ZFHX4: variants seen among roughly 807,000 people sequenced by gnomAD.
The protein encoded by ZFHX4 is zinc finger homeobox protein 4.
A neutral mutation model predicts 267.6 loss-of-function variants in ZFHX4; 56 were observed. That is an observed-to-expected ratio of 0.21 (90% CI 0.17 to 0.26). The LOEUF is 0.26. ZFHX4 is among the 10% of genes least tolerant of loss of function. The pLI is 1.00. For synonymous variants in ZFHX4, 1,778 were observed against 1,665.6 expected (o/e 1.07, Z -1.64); for missense variants, 4,332 against 4,420.0 (o/e 0.98, Z 0.56).
At chr8:76,695,094 C>T (rs1807922803) in intron 1 of ZFHX4, among the ~76,000 whole-genome samples, 1 of 151,988 alleles carries the variant, frequency 6.6e-6, no homozygotes, top group Non-Finnish European at 1.5e-5. Context: ...GTGTACAAAT[C>T]CTTAGCACAA....
intron 3 of ZFHX4, among the ~76,000 whole-genome samples, chr8:76,756,471 T>C (rs1193913441): frequency 6.6e-6 from 1 of 151,780 alleles, no homozygotes; most frequent in East Asian, 1.9e-4. Flanking sequence ...GCTCATACAT[T>C]GTAAAAGGAA....
At chr8:76,717,743 G>C in intron 3 of ZFHX4, among the ~76,000 whole-genome samples, 1 of 151,838 alleles carries the variant, frequency 6.6e-6, no homozygotes, top group Non-Finnish European at 1.5e-5. Flanking sequence ...ATCACAGGCA[G>C]GTGCCACCAC....
At chr8:76,774,576 A>G (rs1210830163) in intron 3 of ZFHX4, among the ~76,000 whole-genome samples, 1 of 152,166 alleles carries the variant, frequency 6.6e-6, no homozygotes, top group African/African-American at 2.4e-5. Context: ...GTAAAAACCT[A>G]AAGGAGATAT....
At chr8:76,831,254 C>T (rs1280763877) in intron 4 of ZFHX4, among the ~76,000 whole-genome samples, 1 of 152,030 alleles carries the variant, frequency 6.6e-6, no homozygotes, top group Admixed American at 6.6e-5. Flanking sequence ...TCAAAGTCAC[C>T]TAGGTACTAC....
intron 1 of ZFHX4, among the ~76,000 whole-genome samples, chr8:76,689,459 G>A (rs1807772127): frequency 6.6e-6 from 1 of 152,132 alleles, no homozygotes; most frequent in South Asian, 2.1e-4. Context: ...ATGGACACAT[G>A]TGAGAACTAA....
chr8:76,778,489 C>A, intron 4 of ZFHX4, 50 bp downstream of exon 4: 2 of 1,363,972 alleles, frequency 1.5e-6, no homozygotes, highest in Non-Finnish European at 2.1e-6. Context: ...CACACCACTT[C>A]ATCACACACA....
intron 1 of ZFHX4, among the ~76,000 whole-genome samples, chr8:76,689,252 T>C (rs532944618): frequency 7.2e-4 from 109 of 152,266 alleles, no homozygotes; most frequent in African/African-American, 2.6e-3. Flanking sequence ...TTCATTTATA[T>C]TTTAAGACAT....
chr8:76,735,180 G>C (rs770779621), intron 3 of ZFHX4, among the ~76,000 whole-genome samples: 9 of 152,076 alleles, frequency 5.9e-5, no homozygotes, highest in Non-Finnish European at 1.3e-4. Context: ...CCATTATGCT[G>C]TTCTTATTGT....
chr8:76,747,683 G>A (rs1809496182), intron 3 of ZFHX4, among the ~76,000 whole-genome samples: 1 of 152,126 alleles, frequency 6.6e-6, no homozygotes, highest in Non-Finnish European at 1.5e-5. Flanking sequence ...TGTAATCCCA[G>A]CACTTTGGGA....
chr8:76,820,032 C>G (rs2131862247), intron 4 of ZFHX4, among the ~76,000 whole-genome samples: 1 of 152,236 alleles, frequency 6.6e-6, no homozygotes, highest in Non-Finnish European at 1.5e-5. Context: ...GCAGTTTATT[C>G]CCACGTTACT....
chr8:76,690,569 T>C lies in ZFHX4; in HGVS notation c.-47+8949T>C, dbSNP rs74774903. Among the ~76,000 whole-genome samples, 52 of 152,122 alleles carry C rather than the reference T, an allele frequency of 3.4e-4. No individual in the cohort carries two copies. In the East Asian group the frequency reaches 0.01, roughly 29 times the overall value. ...ATATAGTGCTTAGTAGTTTTTAAAA[T>C]ACCATAAATTTTGGAATAATGCAAT... On this transcript the variant is annotated intron_variant, in intron 1 of 10. Coordinates refer to ENST00000651372, the MANE Select transcript of ZFHX4 (RefSeq NM_024721.5).
rs1563573598 is a variant in ZFHX4, at chr8:76,865,497, A to T, written c.*932A>T. ...TAGACCATGTGAAATTTAATAAGAT[A>T]CCTTTTTTTTCCTTTCTTTGTGTGT... On this transcript the variant is annotated 3_prime_UTR_variant, in exon 11 of 11. Coordinates refer to ENST00000651372, the MANE Select transcript of ZFHX4 (RefSeq NM_024721.5). 1 of 152,438 alleles carries T rather than the reference A, an allele frequency of 6.6e-6. No homozygotes were observed. The highest frequency in any genetic ancestry group is 2.4e-5 in the African/African-American group (1 of 41,384). The allele number at this position is 152,438 out of a possible 1,614,324, so 9.4% of individuals were successfully genotyped here.
intron 4 of ZFHX4, among the ~76,000 whole-genome samples, chr8:76,781,028 A>T (rs1487700326): frequency 6.6e-6 from 1 of 152,124 alleles, no homozygotes; most frequent in Admixed American, 6.6e-5. Flanking sequence ...AGATACGTGC[A>T]TGGGCCAATA....
chr8:76,708,101 C>T, intron 3 of ZFHX4, 53 bp downstream of exon 3: 1 of 1,602,444 alleles, frequency 6.2e-7, no homozygotes. Context: ...GGAATTAACT[C>T]TTTCAGAGCT....
chr8:76,860,840 A>G (rs1363782001), intron 10 of ZFHX4, among the ~76,000 whole-genome samples: 1 of 152,140 alleles, frequency 6.6e-6, no homozygotes, highest in African/African-American at 2.4e-5. Context: ...AAATTATTGA[A>G]TCTGGTATAT....
In ZFHX4 at chr8:76,851,335, G is replaced by A; in HGVS notation, c.4414G>A (p.Glu1472Lys). ...GCCCGTGAATGGAGAACTGTGGGCAGAGAGCGAAACTATGTCCCAGGATGA... is the reference window on the plus strand; with the variant it reads ...GCCCGTGAATGGAGAACTGTGGGCAAAGAGCGAAACTATGTCCCAGGATGA... ...SLPVNGELWA[E>K]SETMSQDDHG... Residue 1472 changes from glutamate (E) to lysine (K), a missense_variant, in exon 10 of 11, where the codon GAG becomes AAG. By Grantham distance (56) the Glu-to-Lys change is moderately conservative. Around this residue, in one of 7 missense-constraint regions of ZFHX4, gnomAD observed 1,371 missense variants for 1,423.1 expected, o/e 0.96. Transcript: ENST00000651372. 6.2e-7 allele frequency: 1 copy of A among 1,613,812 alleles called. No homozygotes were observed.
intron 4 of ZFHX4, among the ~76,000 whole-genome samples, chr8:76,804,410 TAGAA>T (rs1811195359): frequency 1.3e-5 from 2 of 152,234 alleles, no homozygotes; most frequent in African/African-American, 4.8e-5. Context: ...TTTTTAAAGA[TAGAA>T]AGCATAAACT....
In ZFHX4 at chr8:76,864,619, A is replaced by G. The variant is rs867265458; in HGVS notation, c.*54A>G. On this transcript the variant is annotated 3_prime_UTR_variant, in exon 11 of 11. Transcript: ENST00000651372. ...AAATAAAAAATAAAAAAATAAAAAAAAAATAAGACTTTAACTGCAGTTCCA... is the reference window on the plus strand; with the variant it reads ...AAATAAAAAATAAAAAAATAAAAAAGAAATAAGACTTTAACTGCAGTTCCA... 3.1e-6 allele frequency: 4 copies of G among 1,295,764 alleles called. No individual in the cohort carries two copies. Among genetic ancestry groups the G allele is most frequent in the Non-Finnish European group, 4.1e-6 (4 of 979,454 alleles). The allele number at this position is 1,295,764 out of a possible 1,614,324, so 80.3% of individuals were successfully genotyped here.
At chr8:76,749,335 T>G (rs372486716) in intron 3 of ZFHX4, among the ~76,000 whole-genome samples, 1 of 152,178 alleles carries the variant, frequency 6.6e-6, no homozygotes, top group South Asian at 2.1e-4. Context: ...CCTCATCGAC[T>G]CTTTGTCAAT....
Sources: allele counts gnomAD v4.1 joint callset (sites outside exome capture counted in the v4.1 genomes callset), GRCh38; gene constraint gnomAD v4.1.1; regional missense constraint gnomAD v4.1.1; transcripts MANE v1.5; gene names NCBI Gene and HGNC (gene_info 2026-07-23, HGNC 2026-07-21).